ZNF704: variants seen among roughly 807,000 people sequenced by gnomAD.
ZNF704 encodes glucocorticoid induced gene 1.
A neutral mutation model predicts 44.7 loss-of-function variants in ZNF704; 10 were observed. That is an observed-to-expected ratio of 0.22 (90% CI 0.14 to 0.38). The LOEUF is 0.38. ZNF704 is among the 10% of genes least tolerant of loss of function. The pLI is 1.00. For synonymous variants in ZNF704, 211 were observed against 207.6 expected, an observed-to-expected ratio of 1.02 and a Z score of -0.14; for missense variants, 390 against 545.5, an observed-to-expected ratio of 0.71 and a Z score of 2.84.
intron 2 of ZNF704, 102 bp from the exon 3 acceptor site, chr8:80,693,209 C>T (rs572455618): frequency 1.1e-6 from 1 of 909,258 alleles, no homozygotes; most frequent in African/African-American, 1.6e-5. Flanking sequence ...TAACTTATCC[C>T]CATGAACAAC....
chr8:80,840,328 C>T (rs1014381206), intron 1 of ZNF704, among the ~76,000 whole-genome samples: 9 of 151,916 alleles, frequency 5.9e-5, no homozygotes, highest in South Asian at 4.2e-4. Flanking sequence ...TGTGTGTGCG[C>T]GTGTGTTTTT....
chr8:80,734,297 C>T (rs760148675), intron 2 of ZNF704, among the ~76,000 whole-genome samples: 1 of 152,202 alleles, frequency 6.6e-6, no homozygotes, highest in Non-Finnish European at 1.5e-5. Flanking sequence ...ATGGAAAGGT[C>T]CACAGGACCC....
At position 80,631,187 on chromosome 8, in the gene ZNF704, T is replaced by C. The variant is rs1817578260; in HGVS notation, c.*10179A>G. 1 of 152,200 alleles carries C rather than the reference T, an allele frequency of 6.6e-6. No individual in the cohort carries two copies. The highest frequency in any genetic ancestry group is 1.5e-5 in the Non-Finnish European group (1 of 68,040). 9.4% of individuals were successfully genotyped at this position (152,200 alleles called of 1,614,324 possible). A position where few individuals can be genotyped will look rare whatever the true frequency, so the allele number is the denominator to read the frequency against. On this transcript the variant is annotated 3_prime_UTR_variant, in exon 9 of 9. Transcript: ENST00000327835. ...CAAGGGTTTGTAATCTGCAAAGTTA[T>C]GTATTGCTCCTCAACCTTTTTTGGG...
At chr8:80,641,525 G>A in intron 8 of ZNF704, 48 bp from the exon 9 acceptor site, 2 of 1,265,754 alleles carry the variant, frequency 1.6e-6, no homozygotes, top group Non-Finnish European at 2.2e-6. Flanking sequence ...AATTCAATGG[G>A]CATTCTATGG....
At chr8:80,708,278 AAACG>A (rs1391218428) in intron 2 of ZNF704, among the ~76,000 whole-genome samples, 1 of 152,234 alleles carries the variant, frequency 6.6e-6, no homozygotes, top group African/African-American at 2.4e-5. Context: ...TGACTTCCCC[AAACG>A]AATAAGCAGA....
chr8:80,739,725 A>G (rs1397639346), intron 2 of ZNF704, among the ~76,000 whole-genome samples: 2 of 152,186 alleles, frequency 1.3e-5, no homozygotes, highest in African/African-American at 4.8e-5. Flanking sequence ...TAGGCTCTGG[A>G]AAAGGGAAGA....
At chr8:80,792,701 G>T (rs1355413867) in intron 2 of ZNF704, among the ~76,000 whole-genome samples, 2 of 152,166 alleles carry the variant, frequency 1.3e-5, no homozygotes, top group African/African-American at 4.8e-5. Flanking sequence ...CTGGTATATG[G>T]GGAGGCACAC....
intron 2 of ZNF704, among the ~76,000 whole-genome samples, chr8:80,793,378 GGAGA>G (rs1490936633): frequency 6.6e-6 from 1 of 151,990 alleles, no homozygotes; most frequent in Non-Finnish European, 1.5e-5. Flanking sequence ...GACTCAGATG[GGAGA>G]GATAAACCCC....
chr8:80,663,870 C>T (rs1443816586), intron 6 of ZNF704, among the ~76,000 whole-genome samples: 4 of 151,978 alleles, frequency 2.6e-5, no homozygotes, highest in Non-Finnish European at 5.9e-5. Context: ...GCTGGGACTA[C>T]AGGTACGCAC....
intron 1 of ZNF704, among the ~76,000 whole-genome samples, chr8:80,864,955 T>G (rs1378727846): frequency 6.6e-6 from 1 of 152,190 alleles, no homozygotes; most frequent in East Asian, 1.9e-4. Flanking sequence ...ATAGGATGTC[T>G]CTGTCCTCTT....
rs574447365 is a variant in ZNF704 at position 80,656,852 on chromosome 8, AT to A, written c.1032+2732del. ...TATTTTAGAGTACAAGGATAAAGGTATTTTTTTTTTGAAAAGCATTTTATCA... is the reference window on the plus strand; with the variant it reads ...TATTTTAGAGTACAAGGATAAAGGTATTTTTTTTTGAAAAGCATTTTATCA... On this transcript the variant is annotated intron_variant, in intron 7 of 8. Transcript: ENST00000327835. 2.8e-3 allele frequency among the ~76,000 whole-genome samples: 415 copies of A among 150,286 alleles called. 2 individuals carry two copies. Among genetic ancestry groups the A allele is most frequent in the Non-Finnish European group, 2.3e-3 (158 of 67,446 alleles).
rs116400315 is a variant in ZNF704 at position 80,790,881 on chromosome 8, A to G, written c.221+30493T>C. 3.8e-3 allele frequency among the ~76,000 whole-genome samples: 580 copies of G among 152,286 alleles called. 5 individuals carry two copies. Among genetic ancestry groups the G allele is most frequent in the African/African-American group, 0.013 (553 of 41,564 alleles). On this transcript the variant is annotated intron_variant, in intron 2 of 8. Coordinates refer to ENST00000327835, the MANE Select transcript of ZNF704 (RefSeq NM_001033723.3). ...AAGGCAGCACAGACAACTAAGAAAGAGTTTACTAAAAATTCAGGTGAGAGA... is the reference window on the plus strand; with the variant it reads ...AAGGCAGCACAGACAACTAAGAAAGGGTTTACTAAAAATTCAGGTGAGAGA...
intron 1 of ZNF704, among the ~76,000 whole-genome samples, chr8:80,865,628 G>C (rs563570716): frequency 1.3e-5 from 2 of 152,276 alleles, no homozygotes; most frequent in South Asian, 4.2e-4. Context: ...ACTTCAACTA[G>C]CCACGTACAA....
chr8:80,693,163 CACAAGGTGTG>C, intron 2 of ZNF704, 56 bp from the exon 3 acceptor site: 1 of 1,481,616 alleles, frequency 6.7e-7, no homozygotes, highest in Non-Finnish European at 9.4e-7. Context: ...CTGTGGGCCA[CACAAGGTGTG>C]ACACGCTGTC....
intron 2 of ZNF704, among the ~76,000 whole-genome samples, chr8:80,785,064 C>T (rs1343608584): frequency 1.3e-5 from 2 of 152,066 alleles, no homozygotes; most frequent in African/African-American, 4.8e-5. Flanking sequence ...GCTTAATGTC[C>T]TTTCTCTGTT....
At chr8:80,860,646 G>A (rs1203790332) in intron 1 of ZNF704, among the ~76,000 whole-genome samples, 1 of 152,104 alleles carries the variant, frequency 6.6e-6, no homozygotes, top group Non-Finnish European at 1.5e-5. Flanking sequence ...CTCTCATTAT[G>A]CTCCTTCCCT....
intron 4 of ZNF704, among the ~76,000 whole-genome samples, chr8:80,675,931 G>A (rs1818358403): frequency 6.6e-6 from 1 of 152,118 alleles, no homozygotes; most frequent in African/African-American, 2.4e-5. Flanking sequence ...AGTTAGAGAT[G>A]ATTAGGGTGC....
At chr8:80,753,656 C>T (rs1217762212) in intron 2 of ZNF704, among the ~76,000 whole-genome samples, 1 of 152,162 alleles carries the variant, frequency 6.6e-6, no homozygotes, top group East Asian at 1.9e-4. Flanking sequence ...GTGTCCTACT[C>T]TCTAAGGGGA....
chr8:80,691,797 C>T (rs1244054411), intron 3 of ZNF704, among the ~76,000 whole-genome samples: 1 of 152,164 alleles, frequency 6.6e-6, no homozygotes, highest in Admixed American at 6.5e-5. Flanking sequence ...TCTTCTTCAG[C>T]AACTTCAGCT....
Sources: gnomAD v4.1 joint callset for allele counts (sites outside exome capture counted in the v4.1 genomes callset) on GRCh38, gnomAD v4.1.1 for gene constraint, MANE v1.5 for transcripts, NCBI Gene and HGNC (gene_info 2026-07-23, HGNC 2026-07-21) for gene names.